COMMD1: variants seen among roughly 807,000 people sequenced by gnomAD.
COMMD1 encodes copper metabolism domain containing 1.
In COMMD1, 10 loss-of-function variants were observed where a neutral mutation model predicts 17.2. That is an observed-to-expected ratio of 0.58 (90% CI 0.36 to 0.99). The LOEUF (loss-of-function observed/expected upper bound fraction) is 0.99, where lower values mean the gene tolerates loss of function less well. Ranked by LOEUF, COMMD1 falls within the 50% of genes least tolerant of loss-of-function variation. COMMD1 has a pLI of 0.01. For synonymous variants in COMMD1, 97 were observed against 91.6 expected (o/e 1.06, Z -0.34); for missense variants, 270 against 231.8 (o/e 1.17, Z -1.07).
intron 1 of COMMD1, among the ~76,000 whole-genome samples, chr2:61,935,122 G>C (rs997045181): frequency 1.3e-5 from 2 of 152,160 alleles, no homozygotes; most frequent in African/African-American, 2.4e-5. Flanking sequence ...GACAGGAGAA[G>C]CTAGAGTCTC....
intron 2 of COMMD1, among the ~76,000 whole-genome samples, chr2:62,117,092 C>T (rs1672631028): frequency 6.6e-6 from 1 of 152,010 alleles, no homozygotes; most frequent in African/African-American, 2.4e-5. Context: ...CCCTGCCTCC[C>T]TCTTTGCCCC....
At chr2:61,899,779 A>G (rs1221070429) in intron 1 of COMMD1, among the ~76,000 whole-genome samples, 3 of 152,048 alleles carry the variant, frequency 2.0e-5, no homozygotes, top group Non-Finnish European at 4.4e-5. Context: ...GGCTCAAGCT[A>G]TGCTGCCTCA....
At position 62,123,556 on chromosome 2, in the gene COMMD1, AGAAG is replaced by A. The variant is rs1477550498; in HGVS notation, c.463-12264_463-12261del. ...AAACAGGAAGGAAGGAAGGAAGGAA[AGAAG>A]GAAGGAAGGAGAAAGGAAGGAAGGC... On this transcript the variant is annotated intron_variant, in intron 2 of 2. Coordinates refer to ENST00000311832, the MANE Select transcript of COMMD1 (RefSeq NM_152516.4). Among the ~76,000 whole-genome samples, 4 of 150,792 alleles carry A rather than the reference AGAAG, an allele frequency of 2.7e-5. No individual in the cohort carries two copies. The South Asian group carries it at 8.4e-4, about 32-fold the overall frequency.
intron 1 of COMMD1, chr2:61,915,886 G>T: frequency 4.2e-6 from 1 of 235,952 alleles, no homozygotes; most frequent in Non-Finnish European, 8.5e-6. Flanking sequence ...TGTCCAGGCT[G>T]GTTTTCAACT....
chr2:61,912,427 C>T (rs909023093), intron 1 of COMMD1, among the ~76,000 whole-genome samples: 2 of 152,142 alleles, frequency 1.3e-5, no homozygotes, highest in African/African-American at 4.8e-5. Flanking sequence ...GGCCTGTTGC[C>T]TGTCTTTAGA....
chr2:61,901,253 CA>C (rs947559918), upstream of COMMD1, among the ~76,000 whole-genome samples: 5 of 151,852 alleles, frequency 3.3e-5, no homozygotes, highest in Non-Finnish European at 7.4e-5. Flanking sequence ...GACCAAAACA[CA>C]TTTTTTTAAA....
intron 1 of COMMD1, among the ~76,000 whole-genome samples, chr2:61,958,412 AT>A (rs1671251042): frequency 6.6e-6 from 1 of 151,974 alleles, no homozygotes; most frequent in Admixed American, 6.6e-5. Flanking sequence ...GATTACAGGC[AT>A]GTGCCATCAC....
chr2:61,997,435 A>C (rs949345781), intron 1 of COMMD1, among the ~76,000 whole-genome samples: 2 of 152,108 alleles, frequency 1.3e-5, no homozygotes, highest in Admixed American at 1.3e-4. Context: ...TGCAGAATGA[A>C]TGCTGTGTTA....
chr2:62,018,627 CT>C (rs1197994625), intron 2 of COMMD1, among the ~76,000 whole-genome samples: 2 of 152,096 alleles, frequency 1.3e-5, no homozygotes, highest in East Asian at 3.8e-4. Context: ...CGTAAAAAAA[CT>C]CGATGTTTTG....
At chr2:62,115,860 CTTTT>C (rs1240965232) in intron 2 of COMMD1, among the ~76,000 whole-genome samples, 4 of 43,364 alleles carry the variant, frequency 9.2e-5, no homozygotes, top group South Asian at 1.1e-3. Flanking sequence ...TTCTTTCTTT[CTTTT>C]TTTTTTTTTT....
At chr2:62,135,501 G>A (rs190696239) in intron 2 of COMMD1, among the ~76,000 whole-genome samples, 6 of 152,132 alleles carry the variant, frequency 3.9e-5, no homozygotes, top group Admixed American at 1.3e-4. Context: ...ACAGGTGCCC[G>A]CAACTGCGCC....
At chr2:61,920,361 A>T (rs1281164257) in intron 1 of COMMD1, among the ~76,000 whole-genome samples, 1 of 152,130 alleles carries the variant, frequency 6.6e-6, no homozygotes, top group Non-Finnish European at 1.5e-5. Flanking sequence ...ATGGACCATC[A>T]ACAGTACTGC....
intron 2 of COMMD1, among the ~76,000 whole-genome samples, chr2:62,116,996 CAAAA>C (rs11350513): frequency 2.0e-5 from 2 of 100,876 alleles, no homozygotes; most frequent in Non-Finnish European, 4.3e-5. Flanking sequence ...AACTTCGTCT[CAAAA>C]AAAAAAAAAA....
intron 1 of COMMD1, among the ~76,000 whole-genome samples, chr2:61,977,995 A>G (rs898655564): frequency 2.0e-5 from 3 of 151,932 alleles, no homozygotes; most frequent in African/African-American, 7.3e-5. Flanking sequence ...TCTGAAAAAA[A>G]AAAAAAAGTT....
upstream of COMMD1, among the ~76,000 whole-genome samples, chr2:61,903,392 C>T (rs1213709693): frequency 1.3e-5 from 2 of 150,928 alleles, no homozygotes; most frequent in Non-Finnish European, 2.9e-5. Context: ...TGCAGTGAAC[C>T]GAGATTGTGC....
intron 2 of COMMD1, among the ~76,000 whole-genome samples, chr2:62,131,830 A>G (rs561394272): frequency 1.3e-5 from 2 of 151,334 alleles, no homozygotes; most frequent in African/African-American, 4.9e-5. Context: ...GGCATGAGCC[A>G]CCACCCCTAG....
At chr2:62,066,147 A>C (rs1185105145) in intron 2 of COMMD1, among the ~76,000 whole-genome samples, 3 of 152,182 alleles carry the variant, frequency 2.0e-5, no homozygotes, top group African/African-American at 7.2e-5. Flanking sequence ...AAAATTGGAG[A>C]GAGGACAACT....
At chr2:61,888,605 C>G, upstream of COMMD1, 1 of 1,396,130 alleles carries the variant, frequency 7.2e-7, no homozygotes. Flanking sequence ...ACTGCCTTCA[C>G]GAACCTTCCA....
At chr2:61,941,076 G>A (rs867077884) in intron 1 of COMMD1, among the ~76,000 whole-genome samples, 1 of 151,166 alleles carries the variant, frequency 6.6e-6, no homozygotes, top group Non-Finnish European at 1.5e-5. Flanking sequence ...CGCCCAGGCT[G>A]GAGTGCGGTG....
Sources: gnomAD v4.1 joint callset for allele counts (sites outside exome capture counted in the v4.1 genomes callset) on GRCh38, gnomAD v4.1.1 for gene constraint, MANE v1.5 for transcripts, NCBI Gene and HGNC (gene_info 2026-07-23, HGNC 2026-07-21) for gene names.